Variants in IFT74 observed in about 807,000 individuals in gnomAD.
IFT74 encodes the protein intraflagellar transport protein 74 homolog.
A neutral mutation model predicts 96.7 loss-of-function variants in IFT74; 92 were observed. The observed-to-expected ratio is 0.95, with a 90% CI of 0.80 to 1.13. IFT74 has a LOEUF of 1.13. Among genes scored for constraint, IFT74 ranks in the 50% most tolerant of loss-of-function variants. The probability of loss-of-function intolerance (pLI) is 0.00; values close to 1 mark genes in which losing one functional copy is unlikely to be tolerated. For missense variants in IFT74, 811 were observed against 698.2 expected, an observed-to-expected ratio of 1.16 and a Z score of -1.82; for synonymous variants, 223 against 213.2, an observed-to-expected ratio of 1.05 and a Z score of -0.40.
chr9:26,999,428 G>A (rs891765484), intron 8 of IFT74, among the ~76,000 whole-genome samples: 30 of 152,058 alleles, frequency 2.0e-4, no homozygotes, highest in Admixed American at 1.2e-3. Context: ...AACTTTTAAA[G>A]AACTCAGTTT....
intron 12 of IFT74, among the ~76,000 whole-genome samples, chr9:27,027,935 A>G (rs1242896507): frequency 1.3e-5 from 2 of 152,152 alleles, no homozygotes; most frequent in Non-Finnish European, 2.9e-5. Flanking sequence ...GAGTTTGGTA[A>G]TTTAGTTCTT....
At position 26,993,423 on chromosome 9, in the gene IFT74, T is replaced by C. The variant is rs536600534; in HGVS notation, c.587+3228T>C. ...AGAAACATTAGCCATAATATACTTA[T>C]ATCCTTTGTTGAAAACATGTGTCTG... is the stretch of plus-strand genomic sequence containing the variant. On this transcript the variant is annotated intron_variant, in intron 8 of 19. Coordinates refer to ENST00000380062, the MANE Select transcript of IFT74 (RefSeq NM_025103.4). 7 of 152,668 alleles carry C rather than the reference T, an allele frequency of 4.6e-5. No homozygotes were observed. In the East Asian group the frequency reaches 1.2e-3, roughly 25 times the overall value. 9.5% of individuals were successfully genotyped at this position (152,668 alleles called of 1,614,324 possible). A position where few individuals can be genotyped will look rare whatever the true frequency, so the allele number is the denominator to read the frequency against.
intron 2 of IFT74, among the ~76,000 whole-genome samples, chr9:26,962,771 A>G (rs12352441): frequency 0.12 from 18,899 of 152,114 alleles, 1,318 homozygotes; most frequent in Middle Eastern, 0.26. Context: ...GACAGAAATA[A>G]CAAGTACTGA....
intron 18 of IFT74, among the ~76,000 whole-genome samples, chr9:27,060,139 G>A (rs1446183324): frequency 6.6e-6 from 1 of 152,150 alleles, no homozygotes; most frequent in East Asian, 1.9e-4. Flanking sequence ...ATCACAGCTT[G>A]TGGAATTACA....
At chr9:26,968,381 C>T (rs1033186496) in intron 2 of IFT74, among the ~76,000 whole-genome samples, 1 of 151,992 alleles carries the variant, frequency 6.6e-6, no homozygotes, top group Admixed American at 6.6e-5. Flanking sequence ...CCTTTCTCAG[C>T]CTCCCAAGTA....
intron 8 of IFT74, among the ~76,000 whole-genome samples, chr9:26,996,799 A>G (rs1207515983): frequency 3.3e-5 from 5 of 152,198 alleles, no homozygotes; most frequent in Admixed American, 6.5e-5. Context: ...TATGGTTTGC[A>G]GTTAAAATAC....
At chr9:27,000,270 C>G (rs190100472) in intron 8 of IFT74, among the ~76,000 whole-genome samples, 1 of 152,090 alleles carries the variant, frequency 6.6e-6, no homozygotes, top group African/African-American at 2.4e-5. Flanking sequence ...ATGAAAGGAG[C>G]TTTAAAGCAA....
At chr9:27,050,357 C>T (rs1363504293) in intron 16 of IFT74, among the ~76,000 whole-genome samples, 1 of 152,204 alleles carries the variant, frequency 6.6e-6, no homozygotes, top group Non-Finnish European at 1.5e-5. Context: ...CTGCACCTGG[C>T]CTGGACTAGA....
Position 27,062,925 on chromosome 9 carries a change from T to G in IFT74, c.*189T>G. On this transcript the variant is annotated 3_prime_UTR_variant, in exon 20 of 20. Transcript: ENST00000380062. ...ATAGTTCAATAAATGGTTTGCATAT[T>G]AAAAAGTACCATCTTCTTTTCTTTT... 1 of 499,688 alleles carries G rather than the reference T, an allele frequency of 2.0e-6. No homozygotes were observed. The highest frequency in any genetic ancestry group is 3.5e-6 in the Non-Finnish European group (1 of 286,372). 31.0% of individuals were successfully genotyped at this position (499,688 alleles called of 1,614,324 possible). A position where few individuals can be genotyped will look rare whatever the true frequency, so the allele number is the denominator to read the frequency against.
At chr9:27,007,955 C>T (rs1828872652) in intron 8 of IFT74, among the ~76,000 whole-genome samples, 1 of 152,114 alleles carries the variant, frequency 6.6e-6, no homozygotes, top group Non-Finnish European at 1.5e-5. Context: ...ATTGACCTTG[C>T]CTAGGCAACA....
At chr9:27,004,952 T>G (rs1452827959) in intron 8 of IFT74, among the ~76,000 whole-genome samples, 4 of 152,186 alleles carry the variant, frequency 2.6e-5, no homozygotes, top group Non-Finnish European at 5.9e-5. Flanking sequence ...TTATTTACTT[T>G]ATATGATTAT....
chr9:26,969,856 A>C (rs1826809311), intron 2 of IFT74, among the ~76,000 whole-genome samples: 1 of 152,212 alleles, frequency 6.6e-6, no homozygotes. Flanking sequence ...TAGTGGTGAC[A>C]CATTCCCTCA....
At chr9:27,058,205 C>T (rs942655349) in intron 18 of IFT74, among the ~76,000 whole-genome samples, 3 of 151,942 alleles carry the variant, frequency 2.0e-5, no homozygotes, top group Non-Finnish European at 2.9e-5. Flanking sequence ...CCTCCTGCCT[C>T]AGCCACTGAG....
In IFT74 at chr9:26,996,451, T is replaced by C. The variant is rs766481943; in HGVS notation, c.587+6256T>C. The C allele has an allele frequency of 1.9e-6, 3 of 1,564,702 alleles. No individual in the cohort carries two copies. Among genetic ancestry groups the C allele is most frequent in the African/African-American group, 2.7e-5 (2 of 74,072 alleles). On this transcript the variant is annotated intron_variant, in intron 8 of 19. Coordinates refer to ENST00000380062, the MANE Select transcript of IFT74 (RefSeq NM_025103.4). Reference sequence around the variant, plus strand: ...CTTATGAGGTACTGTTTTGATATTGTAGCTCTGCAGGCTGTTGGGGTAGCT... The same window carrying C: ...CTTATGAGGTACTGTTTTGATATTGCAGCTCTGCAGGCTGTTGGGGTAGCT...
intron 4 of IFT74, among the ~76,000 whole-genome samples, chr9:26,982,674 C>T (rs1464683052): frequency 1.3e-5 from 2 of 152,000 alleles, no homozygotes; most frequent in Non-Finnish European, 2.9e-5. Context: ...AGGCTGGTCT[C>T]GAACTCCCAA....
intron 18 of IFT74, among the ~76,000 whole-genome samples, chr9:27,059,547 T>A (rs1332440794): frequency 6.6e-6 from 1 of 152,242 alleles, no homozygotes; most frequent in Admixed American, 6.5e-5. Context: ...TTGACTTTGC[T>A]GAAGGTTATT....
intron 8 of IFT74, among the ~76,000 whole-genome samples, chr9:27,004,033 C>G (rs754018707): frequency 6.6e-6 from 1 of 151,614 alleles, no homozygotes; most frequent in African/African-American, 2.4e-5. Flanking sequence ...TGTTTTTTTT[C>G]CAGAAACAAA....
intron 12 of IFT74, among the ~76,000 whole-genome samples, chr9:27,027,180 G>A (rs1424116997): frequency 6.6e-6 from 1 of 152,068 alleles, no homozygotes; most frequent in Non-Finnish European, 1.5e-5. Context: ...CAAGCTTACA[G>A]TGAGCACCTT....
chr9:26,993,863 A>G (rs1406231842), intron 8 of IFT74: 2 of 152,192 alleles, frequency 1.3e-5, no homozygotes, highest in Non-Finnish European at 2.9e-5. Flanking sequence ...TATTTCACCC[A>G]TCAATATATT....
Sources: allele counts gnomAD v4.1 joint callset (sites outside exome capture counted in the v4.1 genomes callset), GRCh38; gene constraint gnomAD v4.1.1; transcripts MANE v1.5; gene names NCBI Gene and HGNC (gene_info 2026-07-23, HGNC 2026-07-21).